The following SRGAP1 variants were observed in gnomAD, a reference collection of about 807,000 sequenced individuals.
The protein encoded by SRGAP1 is SLIT-ROBO Rho GTPase activating protein 1.
Under a neutral mutation model 121.9 loss-of-function variants are expected in SRGAP1, and 43 were observed. The observed-to-expected ratio is 0.35, with a 90% CI of 0.28 to 0.46. The LOEUF (loss-of-function observed/expected upper bound fraction) is 0.46, where lower values mean the gene tolerates loss of function less well. SRGAP1 is among the 20% of genes least tolerant of loss of function. SRGAP1 has a pLI of 1.00. For missense variants in SRGAP1, 1,102 were observed against 1,350.9 expected, an observed-to-expected ratio of 0.82 and a Z score of 2.89; for synonymous variants, 447 against 485.4, an observed-to-expected ratio of 0.92 and a Z score of 1.04.
chr12:64,016,851 G>T, intron 3 of SRGAP1, 99 bp from the exon 4 acceptor site: 1 of 653,438 alleles, frequency 1.5e-6, no homozygotes, highest in Non-Finnish European at 2.5e-6. Context: ...GAGGCTTGCT[G>T]TCTTTCTGTC....
Position 63,916,305 on chromosome 12 carries a change from A to G in SRGAP1, c.68-67642A>G, listed in dbSNP as rs554865105. Among the ~76,000 whole-genome samples the G allele has an allele frequency of 2.4e-3, 367 of 152,258 alleles. 1 individual carries two copies. The highest frequency in any genetic ancestry group is 8.3e-3 in the African/African-American group (346 of 41,550). On this transcript the variant is annotated intron_variant, in intron 1 of 21. Transcript: ENST00000355086. ...CTCCCAAAGTGCTGGGATTACAGGC[A>G]TGAGCCACCATGCCCAGCCTGAAAG...
At chr12:63,845,666 T>C (rs1395683857) in intron 1 of SRGAP1, among the ~76,000 whole-genome samples, 1 of 152,214 alleles carries the variant, frequency 6.6e-6, no homozygotes, top group Non-Finnish European at 1.5e-5. Flanking sequence ...TGATTAAAAA[T>C]ATATATATTT....
At chr12:64,105,967 A>G (rs1457530037) in intron 15 of SRGAP1, among the ~76,000 whole-genome samples, 1 of 152,162 alleles carries the variant, frequency 6.6e-6, no homozygotes, top group South Asian at 2.1e-4. Context: ...TAGGACTTTA[A>G]AACTAGCGTT....
At chr12:63,988,235 T>A (rs1457705938) in intron 2 of SRGAP1, among the ~76,000 whole-genome samples, 1 of 152,246 alleles carries the variant, frequency 6.6e-6, no homozygotes, top group African/African-American at 2.4e-5. Flanking sequence ...TGAGGATATG[T>A]TGAAGCATGA....
At chr12:64,132,274 C>T (rs2036797331) in intron 21 of SRGAP1, among the ~76,000 whole-genome samples, 1 of 152,188 alleles carries the variant, frequency 6.6e-6, no homozygotes, top group Non-Finnish European at 1.5e-5. Context: ...CTGCCAAAGG[C>T]TCTAAACAGC....
chr12:63,895,058 C>T (rs1900711277), intron 1 of SRGAP1, among the ~76,000 whole-genome samples: 1 of 152,210 alleles, frequency 6.6e-6, no homozygotes, highest in Non-Finnish European at 1.5e-5. Context: ...GCCACACTGT[C>T]TTCCACAATG....
chr12:64,059,505 T>A (rs1246180679), intron 6 of SRGAP1, among the ~76,000 whole-genome samples: 2 of 152,182 alleles, frequency 1.3e-5, no homozygotes, highest in African/African-American at 4.8e-5. Flanking sequence ...GAATCAATAC[T>A]CATAAAATAG....
At chr12:63,900,928 T>C (rs551629440) in intron 1 of SRGAP1, among the ~76,000 whole-genome samples, 28 of 151,966 alleles carry the variant, frequency 1.8e-4, no homozygotes, top group Admixed American at 1.6e-3. Flanking sequence ...GCAGTAGAGG[T>C]GATAAAACAC....
intron 1 of SRGAP1, among the ~76,000 whole-genome samples, chr12:63,874,488 C>T (rs7953487): frequency 0.14 from 21,730 of 152,096 alleles, 2,080 homozygotes; most frequent in East Asian, 0.42. Flanking sequence ...CAGGTGTGAG[C>T]AACCACGCCC....
rs1052529531 is a variant in SRGAP1, at chr12:63,906,974, A to G, written c.67+62091A>G. 2.0e-5 allele frequency among the ~76,000 whole-genome samples: 3 copies of G among 151,954 alleles called. No homozygotes were observed. The East Asian group carries it at 5.8e-4, about 29-fold the overall frequency. On this transcript the variant is annotated intron_variant, in intron 1 of 21. Transcript: ENST00000355086. ...CTGTTTAGCATTTTGAGGAACTGCC[A>G]AACTATTTTCCAAAATGGAAACACA...
intron 10 of SRGAP1, among the ~76,000 whole-genome samples, chr12:64,086,152 A>G (rs898120714): frequency 6.6e-6 from 1 of 152,222 alleles, no homozygotes; most frequent in Non-Finnish European, 1.5e-5. Context: ...CAACGTGACC[A>G]TCCCCTGCCA....
chr12:63,914,429 T>C (rs1284921267), intron 1 of SRGAP1, among the ~76,000 whole-genome samples: 3 of 152,226 alleles, frequency 2.0e-5, no homozygotes, highest in Admixed American at 2.0e-4. Context: ...CTTATGGGTG[T>C]AAAATAGATC....
chr12:63,918,958 C>T (rs985190671), intron 1 of SRGAP1, among the ~76,000 whole-genome samples: 5 of 151,996 alleles, frequency 3.3e-5, no homozygotes, highest in African/African-American at 1.2e-4. Context: ...TGGGGAGTGA[C>T]GTGTGCTATA....
At chr12:63,984,290 A>G in intron 2 of SRGAP1, 148 bp downstream of exon 2, 1 of 407,258 alleles carries the variant, frequency 2.5e-6, no homozygotes, top group Non-Finnish European at 4.3e-6. Context: ...TACATTTGTA[A>G]CTTATGGGCA....
At chr12:63,994,889 C>G (rs2033650907) in intron 3 of SRGAP1, among the ~76,000 whole-genome samples, 2 of 152,328 alleles carry the variant, frequency 1.3e-5, no homozygotes, top group East Asian at 3.9e-4. Context: ...TACTCTGCAT[C>G]TGGTTTGGTT....
At chr12:64,114,657 G>A (rs2036489745) in intron 17 of SRGAP1, among the ~76,000 whole-genome samples, 2 of 152,004 alleles carry the variant, frequency 1.3e-5, no homozygotes, top group African/African-American at 4.8e-5. Flanking sequence ...GGCCTGGTTA[G>A]CATTTTTAAA....
intron 1 of SRGAP1, among the ~76,000 whole-genome samples, chr12:63,880,020 C>G (rs1338623433): frequency 6.6e-6 from 1 of 152,048 alleles, no homozygotes; most frequent in African/African-American, 2.4e-5. Context: ...TGGGAGGGAC[C>G]TGGGGAAGGT....
chr12:64,087,078 A>G, intron 11 of SRGAP1, 52 bp downstream of exon 11: 1 of 1,367,096 alleles, frequency 7.3e-7, no homozygotes. Flanking sequence ...TCTCTTTAAC[A>G]AGAAGCAACC....
rs1026270591 is a variant in SRGAP1, at chr12:64,147,752, G to T, written c.*5080G>T. On this transcript the variant is annotated 3_prime_UTR_variant, in exon 22 of 22. Coordinates refer to ENST00000355086, the MANE Select transcript of SRGAP1 (RefSeq NM_020762.4). ...TTTATGTATAGTACTGTACATTTTT[G>T]GCATGTACCATTACAGGCTTCAGTA... The T allele has an allele frequency of 7.5e-6, 3 of 397,930 alleles. No homozygotes were observed. Among genetic ancestry groups the T allele is most frequent in the South Asian group, 1.3e-4 (1 of 7,596 alleles). 24.6% of individuals were successfully genotyped at this position (397,930 alleles called of 1,614,324 possible).
Sources: allele counts gnomAD v4.1 joint callset (sites outside exome capture counted in the v4.1 genomes callset), GRCh38; gene constraint gnomAD v4.1.1; transcripts MANE v1.5; gene names NCBI Gene and HGNC (gene_info 2026-07-23, HGNC 2026-07-21).